TBX19: variants seen among roughly 807,000 people sequenced by gnomAD.
TBX19 encodes T-box transcription factor TBX19.
A neutral mutation model predicts 40.9 loss-of-function variants in TBX19; 33 were observed. The observed-to-expected ratio is 0.81, with a 90% CI of 0.61 to 1.08. TBX19 has a LOEUF of 1.08. Among genes scored for constraint, TBX19 ranks in the 50% least tolerant of loss-of-function variants. The pLI is 0.00. For missense variants in TBX19, 494 were observed against 574.0 expected, an observed-to-expected ratio of 0.86 and a Z score of 1.42; for synonymous variants, 220 against 225.0, an observed-to-expected ratio of 0.98 and a Z score of 0.20.
At chr1:168,289,258 A>T (rs1648879949) in intron 1 of TBX19, among the ~76,000 whole-genome samples, 1 of 152,188 alleles carries the variant, frequency 6.6e-6, no homozygotes, top group Admixed American at 6.5e-5. Flanking sequence ...TCTGTTTTCT[A>T]CACTTGGCCA....
chr1:168,288,093 G>A (rs3819818), intron 1 of TBX19, among the ~76,000 whole-genome samples: 79,161 of 151,790 alleles, frequency 0.52, 21,921 homozygotes, highest in Non-Finnish European at 0.64. Flanking sequence ...CTTGGCATCC[G>A]CAGAGGATTG....
chr1:168,281,005 G>T lies in TBX19; in HGVS notation c.-86G>T. On this transcript the variant is annotated 5_prime_UTR_variant, in exon 1 of 8. Coordinates refer to ENST00000367821, the MANE Select transcript of TBX19 (RefSeq NM_005149.3). ...CGCTCCCCAAGCACTGTTCAAGTGG[G>T]TTTGAAAAGCAGGCAAGTGAGGGAA... The T allele has an allele frequency of 7.5e-7, 1 of 1,329,664 alleles. No homozygotes were observed. Among genetic ancestry groups the T allele is most frequent in the South Asian group, 1.2e-5 (1 of 82,036 alleles). The allele number at this position is 1,329,664 out of a possible 1,614,324, so 82.4% of individuals were successfully genotyped here. A position where few individuals can be genotyped will look rare whatever the true frequency, so the allele number is the denominator to read the frequency against.
rs150601878 is a variant in TBX19 at position 168,296,102 on chromosome 1, C to T, written c.604-1622C>T. 2.3e-3 allele frequency among the ~76,000 whole-genome samples: 346 copies of T among 152,306 alleles called. 1 individual carries two copies. Among genetic ancestry groups the T allele is most frequent in the African/African-American group, 8.0e-3 (331 of 41,566 alleles). On this transcript the variant is annotated intron_variant, in intron 3 of 7. Coordinates refer to ENST00000367821, the MANE Select transcript of TBX19 (RefSeq NM_005149.3). Reference sequence around the variant, plus strand: ...TCCCTGCCAAGTCCATGCAGATGCACCCCGAGTGGCGAGTGGGCGTGGGGG... The same window carrying T: ...TCCCTGCCAAGTCCATGCAGATGCATCCCGAGTGGCGAGTGGGCGTGGGGG...
rs755411054 is a variant in TBX19, at chr1:168,293,282, A to AGT, written c.603+5_603+6insTG. On this transcript the variant is annotated splice_donor_region_variant and intron_variant, in intron 3 of 7. Coordinates refer to ENST00000367821, the MANE Select transcript of TBX19 (RefSeq NM_005149.3). Reference sequence around the variant, plus strand: ...GACTGCCTATCAGAATGAGGAGGTAAGAGTGTGTGTGTGTGTGTGTGTGTG... The same window carrying AGT: ...GACTGCCTATCAGAATGAGGAGGTAAGTGAGTGTGTGTGTGTGTGTGTGTGTG... 2.0e-6 allele frequency: 3 copies of AGT among 1,467,092 alleles called. No individual in the cohort carries two copies. The highest frequency in any genetic ancestry group is 9.1e-7 in the Non-Finnish European group (1 of 1,101,892). The allele number at this position is 1,467,092 out of a possible 1,614,324, so 90.9% of individuals were successfully genotyped here.
Position 168,312,952 on chromosome 1 carries a change from G to A in TBX19, c.1297G>A (p.Gly433Ser). ...AVASHPFAGW[G>S]GPGAGGHHSP... is the part of the protein sequence containing the mutation. ...GGCCTCGCATCCCTTCGCGGGCTGG[G>A]GTGGCCCAGGAGCGGGTGGGCACCA... Residue 433 changes from glycine to serine, a missense_variant, in exon 8 of 8, where the codon GGT becomes AGT. Physicochemically the swap from Gly to Ser is moderately conservative, Grantham distance 56. Coordinates refer to ENST00000367821, the MANE Select transcript of TBX19 (RefSeq NM_005149.3). 2 of 1,614,236 alleles carry A rather than the reference G, an allele frequency of 1.2e-6. No individual in the cohort carries two copies. The highest frequency in any genetic ancestry group is 1.1e-5 in the South Asian group (1 of 91,084).
intron 1 of TBX19, among the ~76,000 whole-genome samples, chr1:168,282,166 G>T (rs1351902696): frequency 6.6e-6 from 1 of 152,150 alleles, no homozygotes; most frequent in East Asian, 1.9e-4. Flanking sequence ...ATGCTGAAAG[G>T]CATTTTCAGT....
At chr1:168,311,188 A>G (rs1649512374) in intron 7 of TBX19, among the ~76,000 whole-genome samples, 1 of 152,074 alleles carries the variant, frequency 6.6e-6, no homozygotes, top group African/African-American at 2.4e-5. Flanking sequence ...TTAAACAATC[A>G]TGTGCCAAGT....
At chr1:168,292,630 C>T (rs757087804) in intron 2 of TBX19, among the ~76,000 whole-genome samples, 14 of 151,924 alleles carry the variant, frequency 9.2e-5, no homozygotes, top group Non-Finnish European at 1.3e-4. Context: ...TTTGGGAGGC[C>T]GAAGTGGGCG....
intron 3 of TBX19, among the ~76,000 whole-genome samples, chr1:168,296,110 G>A (rs1239549063): frequency 6.6e-6 from 1 of 152,180 alleles, no homozygotes; most frequent in Non-Finnish European, 1.5e-5. Flanking sequence ...CACCCCGAGT[G>A]GCGAGTGGGC....
At chr1:168,298,273 T>C (rs1018371014) in intron 4 of TBX19, among the ~76,000 whole-genome samples, 1 of 152,214 alleles carries the variant, frequency 6.6e-6, no homozygotes, top group Non-Finnish European at 1.5e-5. Context: ...TAATTATCTA[T>C]TCGTTATAAT....
intron 7 of TBX19, 97 bp downstream of exon 7, chr1:168,308,974 C>T: frequency 6.4e-7 from 1 of 1,555,416 alleles, no homozygotes; most frequent in South Asian, 1.1e-5. Context: ...GTGGCTTGGT[C>T]TAACCTATTG....
In TBX19 at chr1:168,313,469, G is replaced by A. The variant is rs1246084395; in HGVS notation, c.*467G>A. 4.4e-6 allele frequency: 1 copy of A among 229,852 alleles called. No individual in the cohort carries two copies. The highest frequency in any genetic ancestry group is 8.6e-6 in the Non-Finnish European group (1 of 116,030). 14.2% of individuals were successfully genotyped at this position (229,852 alleles called of 1,614,324 possible). On this transcript the variant is annotated 3_prime_UTR_variant, in exon 8 of 8. Coordinates refer to ENST00000367821, the MANE Select transcript of TBX19 (RefSeq NM_005149.3). ...ACTTCTGCTTTGAGACCAGGATGGG[G>A]TGTAAGCCATAGAGTAAGGTTAACA...
At chr1:168,297,639 A>C in intron 3 of TBX19, 85 bp from the exon 4 acceptor site, 1 of 1,243,426 alleles carries the variant, frequency 8.0e-7, no homozygotes, top group Admixed American at 1.8e-5. Flanking sequence ...AGAGGGAATT[A>C]AACTGGTTTT....
At chr1:168,288,610 C>G (rs1318173317) in intron 1 of TBX19, among the ~76,000 whole-genome samples, 3 of 152,190 alleles carry the variant, frequency 2.0e-5, no homozygotes, top group African/African-American at 7.2e-5. Context: ...AACATCCTGA[C>G]ATTTCTTATC....
chr1:168,291,023 G>GT (rs1483232458), intron 1 of TBX19, 137 bp from the exon 2 acceptor site: 4 of 1,053,942 alleles, frequency 3.8e-6, no homozygotes, highest in Non-Finnish European at 5.9e-6. Flanking sequence ...TAGAATTGGG[G>GT]TTGTGGACTT....
At chr1:168,283,519 C>T (rs1648724742) in intron 1 of TBX19, among the ~76,000 whole-genome samples, 2 of 152,176 alleles carry the variant, frequency 1.3e-5, no homozygotes, top group African/African-American at 4.8e-5. Context: ...TCACACTTTA[C>T]CTTTGTTAAT....
At chr1:168,308,705 C>T (rs370599352) in intron 6 of TBX19, 37 bp from the exon 7 acceptor site, 103 of 1,613,868 alleles carry the variant, frequency 6.4e-5, no homozygotes, top group African/African-American at 1.9e-4. Flanking sequence ...ATGTCTTCTA[C>T]ATTTGCTATC....
At chr1:168,293,346 A>T in intron 3 of TBX19, 68 bp downstream of exon 3, 3 of 1,476,156 alleles carry the variant, frequency 2.0e-6, no homozygotes, top group Non-Finnish European at 2.7e-6. Context: ...CTGGGAGATC[A>T]TGGCAGGATG....
rs55867415 is a variant in TBX19, at chr1:168,280,980, C to T, written c.-111C>T. On this transcript the variant is annotated 5_prime_UTR_variant, in exon 1 of 8. Coordinates refer to ENST00000367821, the MANE Select transcript of TBX19 (RefSeq NM_005149.3). ...GGCAAGAGCCAGGGTATCTTCTCTC[C>T]GCTCCCCAAGCACTGTTCAAGTGGG... 2.2e-3 allele frequency: 2,228 copies of T among 1,025,056 alleles called. 35 individuals carry two copies. In the African/African-American group the frequency reaches 0.031, roughly 14 times the overall value. The allele number at this position is 1,025,056 out of a possible 1,614,324, so 63.5% of individuals were successfully genotyped here. A position where few individuals can be genotyped will look rare whatever the true frequency, so the allele number is the denominator to read the frequency against.
Sources: gnomAD v4.1 joint callset for allele counts (sites outside exome capture counted in the v4.1 genomes callset) on GRCh38, gnomAD v4.1.1 for gene constraint, MANE v1.5 for transcripts, NCBI Gene and HGNC (gene_info 2026-07-23, HGNC 2026-07-21) for gene names.